ABCB10: variants seen among roughly 807,000 people sequenced by gnomAD.
ABCB10 encodes the protein ATP binding cassette subfamily B member 10.
In ABCB10, 54 loss-of-function variants were observed where a neutral mutation model predicts 65.4. The ratio of observed to expected loss-of-function variants is 0.83; its 90% CI spans 0.66 to 1.04. The LOEUF is 1.04. ABCB10 is among the 50% of genes least tolerant of loss of function. The pLI is 0.00. For synonymous variants in ABCB10, 418 were observed against 406.5 expected, an observed-to-expected ratio of 1.03 and a Z score of -0.34; for missense variants, 846 against 976.6, an observed-to-expected ratio of 0.87 and a Z score of 1.78.
intron 6 of ABCB10, among the ~76,000 whole-genome samples, chr1:229,535,762 G>A (rs577922540): frequency 6.7e-6 from 1 of 148,790 alleles, no homozygotes; most frequent in Non-Finnish European, 1.5e-5. Flanking sequence ...GTCTCACTCT[G>A]TCACCCAGGC....
At chr1:229,518,972 A>G (rs1053398804) in intron 11 of ABCB10, 97 bp from the exon 12 acceptor site, 28 of 964,862 alleles carry the variant, frequency 2.9e-5, no homozygotes, top group Non-Finnish European at 4.4e-5. Flanking sequence ...CACATGCTAC[A>G]ATGTGGATGA....
At chr1:229,528,641 C>G (rs529548858) in intron 8 of ABCB10, among the ~76,000 whole-genome samples, 23 of 152,048 alleles carry the variant, frequency 1.5e-4, no homozygotes, top group Non-Finnish European at 2.6e-4. Flanking sequence ...TTGTTTTAAC[C>G]AAAAAGCATA....
At chr1:229,542,190 A>G (rs370854871) in intron 4 of ABCB10, 47 bp downstream of exon 4, 61 of 1,602,506 alleles carry the variant, frequency 3.8e-5, no homozygotes, top group East Asian at 3.3e-4. Context: ...GATCCTGGCT[A>G]TGACCCCATT....
chr1:229,527,626 G>A (rs16849923), intron 8 of ABCB10, among the ~76,000 whole-genome samples: 2,648 of 152,244 alleles, frequency 0.017, 87 homozygotes, highest in African/African-American at 0.06. Context: ...GGATTCCACC[G>A]ATAAGATGCA....
At chr1:229,524,674 A>C (rs1453665929) in intron 10 of ABCB10, among the ~76,000 whole-genome samples, 2 of 152,224 alleles carry the variant, frequency 1.3e-5, no homozygotes, top group Admixed American at 1.3e-4. Flanking sequence ...GGAATCGCTC[A>C]CTTTGCCTCA....
At chr1:229,525,449 A>C (rs1662417994) in intron 10 of ABCB10, among the ~76,000 whole-genome samples, 1 of 152,224 alleles carries the variant, frequency 6.6e-6, no homozygotes. Flanking sequence ...AAGTGAAAGA[A>C]AACACTGGGG....
chr1:229,555,026 A>C lies in ABCB10; in HGVS notation c.517+3110T>G, dbSNP rs187525857. On this transcript the variant is annotated intron_variant, in intron 1 of 12. Transcript: ENST00000344517. ...CCTTATCAGTAACTGCAGTGAGAGG[A>C]GCCCTCCTGAGTCCTCCACACAGGC... is the stretch of plus-strand genomic sequence containing the variant. Among the ~76,000 whole-genome samples the C allele has an allele frequency of 2.1e-3, 315 of 152,236 alleles. 1 individual carries two copies. The highest frequency in any genetic ancestry group is 7.0e-3 in the African/African-American group (289 of 41,528).
chr1:229,554,937 A>G (rs1344717321), intron 1 of ABCB10, among the ~76,000 whole-genome samples: 1 of 152,148 alleles, frequency 6.6e-6, no homozygotes, highest in Non-Finnish European at 1.5e-5. Flanking sequence ...CTACAAACTC[A>G]GCAAAAGCTG....
At chr1:229,536,926 G>A (rs1662733898) in intron 6 of ABCB10, among the ~76,000 whole-genome samples, 1 of 150,510 alleles carries the variant, frequency 6.6e-6, no homozygotes, top group Non-Finnish European at 1.5e-5. Context: ...GGGTGACAGA[G>A]CAAGCCCCTG....
At chr1:229,534,815 T>G (rs1272505351) in intron 6 of ABCB10, among the ~76,000 whole-genome samples, 1 of 135,546 alleles carries the variant, frequency 7.4e-6, no homozygotes, top group Non-Finnish European at 1.5e-5. Context: ...GAGGTTGCAG[T>G]GAGCCAAGAC....
intron 6 of ABCB10, among the ~76,000 whole-genome samples, chr1:229,536,342 C>CA (rs1055779617): frequency 2.0e-5 from 3 of 151,114 alleles, no homozygotes; most frequent in African/African-American, 7.3e-5. Flanking sequence ...CCTGTCTCTC[C>CA]AAAAAATAAA....
chr1:229,546,415 G>C (rs972767038), intron 3 of ABCB10, among the ~76,000 whole-genome samples: 11 of 152,250 alleles, frequency 7.2e-5, no homozygotes, highest in African/African-American at 2.6e-4. Context: ...GTTATACTTT[G>C]ATTTTTGACT....
intron 10 of ABCB10, among the ~76,000 whole-genome samples, chr1:229,522,879 C>T (rs989924810): frequency 3.9e-5 from 6 of 152,058 alleles, no homozygotes; most frequent in African/African-American, 1.4e-4. Flanking sequence ...AGACAAGAGT[C>T]TTGCTCTGTC....
chr1:229,553,061 G>T (rs1663157050), intron 1 of ABCB10, among the ~76,000 whole-genome samples: 2 of 152,094 alleles, frequency 1.3e-5, no homozygotes, highest in South Asian at 4.1e-4. Flanking sequence ...TAGAACAGAA[G>T]GATTTTGTGG....
Position 229,558,333 on chromosome 1 carries a change from C to T in ABCB10, c.320G>A (p.Gly107Glu). The T allele has an allele frequency of 8.0e-7, 1 of 1,255,772 alleles. No homozygotes were observed. Among genetic ancestry groups the T allele is most frequent in the Non-Finnish European group, 1.0e-6 (1 of 990,424 alleles). 77.8% of individuals were successfully genotyped at this position (1,255,772 alleles called of 1,614,324 possible). Residue 107 changes from glycine to glutamate, a missense_variant, in exon 1 of 13, where the codon GGG becomes GAG. Transcript: ENST00000344517. ...PGSCRCGAFAGPGAPRLPRAR... is the reference protein window; with the variant it reads ...PGSCRCGAFAEPGAPRLPRAR... ...GCGCGGGAGCCGAGGAGCGCCTGGC[C>T]CGGCAAAAGCCCCGCACCTGCAGCT...
chr1:229,554,320 A>C (rs1361594950), intron 1 of ABCB10, among the ~76,000 whole-genome samples: 2 of 152,176 alleles, frequency 1.3e-5, no homozygotes, highest in Non-Finnish European at 2.9e-5. Flanking sequence ...TGGAGAAGAA[A>C]GATCTGAGCC....
rs2064892 is a variant in ABCB10, at chr1:229,529,073, C to T, written c.1645+1126G>A. On this transcript the variant is annotated intron_variant, in intron 8 of 12. Transcript: ENST00000344517. The stretch of plus-strand genomic sequence containing the variant: ...CTGGGGGACTGAGGAGGGTGGATCA[C>T]GAGGTCAGGAGATCGAGACCATCCT... Among the ~76,000 whole-genome samples, 1,386 of 151,676 alleles carry T rather than the reference C, an allele frequency of 9.1e-3. 12 individuals are homozygous for T. The highest frequency in any genetic ancestry group is 0.024 in the Middle Eastern group (7 of 294).
chr1:229,522,478 T>C (rs764963485), intron 10 of ABCB10, among the ~76,000 whole-genome samples: 1 of 152,164 alleles, frequency 6.6e-6, no homozygotes, highest in Non-Finnish European at 1.5e-5. Context: ...AGTGCTGAGA[T>C]TGGGAGCCAC....
intron 2 of ABCB10, among the ~76,000 whole-genome samples, chr1:229,548,002 C>CTTT (rs398053891): frequency 7.1e-6 from 1 of 141,390 alleles, no homozygotes. Context: ...TTTATTTTTA[C>CTTT]TTTTTTTTTT....
Sources: allele counts gnomAD v4.1 joint callset (sites outside exome capture counted in the v4.1 genomes callset), GRCh38; gene constraint gnomAD v4.1.1; transcripts MANE v1.5; gene names NCBI Gene and HGNC (gene_info 2026-07-23, HGNC 2026-07-21).